The following ZNF503 variants were observed in gnomAD, a reference collection of about 807,000 sequenced individuals.
The protein encoded by ZNF503 is zinc finger protein 503, also known as NocA-like zinc finger 2.
A neutral mutation model predicts 34.4 loss-of-function variants in ZNF503; 15 were observed. The observed-to-expected ratio is 0.44, with a 90% CI of 0.29 to 0.67. ZNF503 has a LOEUF of 0.67. Among genes scored for constraint, ZNF503 ranks in the 30% least tolerant of loss-of-function variants. The probability of loss-of-function intolerance (pLI) is 0.13; values close to 1 mark genes in which losing one functional copy is unlikely to be tolerated. For missense variants in ZNF503, 1,007 were observed against 926.8 expected (o/e 1.09, Z -1.12); for synonymous variants, 580 against 456.8 (o/e 1.27, Z -3.44).
the ZNF503 span, chr10:75,288,201 G>A: frequency 6.6e-6 from 1 of 152,236 alleles, no homozygotes; most frequent in Non-Finnish European, 1.5e-5. Context: ...TAATGAACCG[G>A]AAGTGTTAAT....
chr10:75,310,727 C>T, the ZNF503 span, among the ~76,000 whole-genome samples: 1 of 152,146 alleles, frequency 6.6e-6, no homozygotes, highest in Non-Finnish European at 1.5e-5. Context: ...CCACCCCTGC[C>T]TGTAAATAAT....
intron 1 of ZNF503, chr10:75,400,865 G>A (rs1430818354): frequency 4.6e-6 from 3 of 645,840 alleles, no homozygotes; most frequent in Non-Finnish European, 7.9e-6. Context: ...CGGGGTAGGG[G>A]CTTTCATATC....
chr10:75,307,797 G>T, the ZNF503 span, among the ~76,000 whole-genome samples: 1 of 152,174 alleles, frequency 6.6e-6, no homozygotes, highest in African/African-American at 2.4e-5. Flanking sequence ...ATTATGGTAG[G>T]CCAGGCATGG....
rs1843750891 is a variant in ZNF503 at position 75,399,463 on chromosome 10, G to C, written c.1227C>G (p.Gly409=). The change falls in exon 2 of 2, where the codon GGC becomes GGG. Residue 409 remains glycine, a synonymous_variant. Coordinates refer to ENST00000372524, the MANE Select transcript of ZNF503 (RefSeq NM_032772.6). ...AGSLGCSKPA[G]SSPLAGASPP... is the part of the protein sequence containing the mutation. ...GAGACGCTCCGGCCAAAGGGCTGGA[G>C]CCGGCCGGCTTACTGCAGCCCAGAG... The C allele has an allele frequency of 3.2e-6, 5 of 1,584,024 alleles. No individual in the cohort carries two copies. The East Asian group carries it at 1.1e-4, about 36-fold the overall frequency.
At chr10:75,286,602 G>T in the ZNF503 span, among the ~76,000 whole-genome samples, 3 of 152,218 alleles carry the variant, frequency 2.0e-5, no homozygotes, top group Non-Finnish European at 4.4e-5. Flanking sequence ...GAGGATAATG[G>T]ATTGTACCTG....
the ZNF503 span, among the ~76,000 whole-genome samples, chr10:75,295,905 A>T: frequency 2.6e-5 from 4 of 152,114 alleles, no homozygotes; most frequent in African/African-American, 7.2e-5. This position sits in a 1 kb window ranked among gnomAD's most constrained non-coding sequence, Gnocchi z 4.0. Context: ...CAAAGTCAGG[A>T]GGAAAAAGAA....
the ZNF503 span, among the ~76,000 whole-genome samples, chr10:75,299,230 C>T: frequency 6.6e-6 from 1 of 152,166 alleles, no homozygotes; most frequent in African/African-American, 2.4e-5. Flanking sequence ...CATGCTCAGC[C>T]TTGTTTAACT....
the ZNF503 span, among the ~76,000 whole-genome samples, chr10:75,311,406 T>A: frequency 6.6e-6 from 1 of 152,066 alleles, no homozygotes; most frequent in Non-Finnish European, 1.5e-5. Context: ...CATCCTTCAA[T>A]CCAATCAAAT....
At chr10:75,328,664 A>T in the ZNF503 span, among the ~76,000 whole-genome samples, 1 of 151,474 alleles carries the variant, frequency 6.6e-6, no homozygotes, top group Non-Finnish European at 1.5e-5. Flanking sequence ...GAGGGATTGC[A>T]TTAAATCTGT....
the ZNF503 span, among the ~76,000 whole-genome samples, chr10:75,305,908 A>T: frequency 6.6e-6 from 1 of 152,148 alleles, no homozygotes; most frequent in Non-Finnish European, 1.5e-5. Context: ...GGTATACCAC[A>T]TGTTGTTTGT....
rs1213349920 is a variant in ZNF503, at chr10:75,398,711, CT to C, written c.*37del. The C allele has an allele frequency of 3.7e-6, 5 of 1,352,100 alleles. No individual in the cohort carries two copies. The South Asian group carries it at 8.3e-5, about 23-fold the overall frequency. 83.8% of individuals were successfully genotyped at this position (1,352,100 alleles called of 1,614,324 possible). On this transcript the variant is annotated 3_prime_UTR_variant, in exon 2 of 2. Transcript: ENST00000372524. ...CTCTCCCTGGACTCCTCCCCTCCCC[CT>C]CTCCCTCCTCTCCCTCGCTCGCCCT...
At chr10:75,350,089 C>G in the ZNF503 span, among the ~76,000 whole-genome samples, 2 of 152,144 alleles carry the variant, frequency 1.3e-5, no homozygotes, top group South Asian at 2.1e-4. Flanking sequence ...CCTTTTGAAG[C>G]TTATGTGGTT....
chr10:75,370,399 C>T, the ZNF503 span, among the ~76,000 whole-genome samples: 4 of 152,138 alleles, frequency 2.6e-5, no homozygotes, highest in Non-Finnish European at 5.9e-5. Flanking sequence ...AATGAGTGAT[C>T]TTCACATTAA....
the ZNF503 span, among the ~76,000 whole-genome samples, chr10:75,353,929 C>T: frequency 6.6e-6 from 1 of 152,206 alleles, no homozygotes; most frequent in South Asian, 2.1e-4. Context: ...TCAGCGTTGG[C>T]TCAGCTTGGG....
At chr10:75,319,653 A>G in the ZNF503 span, among the ~76,000 whole-genome samples, 6 of 152,246 alleles carry the variant, frequency 3.9e-5, no homozygotes, top group African/African-American at 1.4e-4. Context: ...CAATAATTAC[A>G]TTATATATAA....
At chr10:75,388,868 T>C in the ZNF503 span, among the ~76,000 whole-genome samples, 45 of 152,358 alleles carry the variant, frequency 3.0e-4, no homozygotes, top group African/African-American at 1.1e-3. Context: ...CTTTAAAATC[T>C]TGGATTTCCT....
At chr10:75,285,048 G>GT in the ZNF503 span, among the ~76,000 whole-genome samples, 181 of 152,264 alleles carry the variant, frequency 1.2e-3, 1 homozygote, top group African/African-American at 4.2e-3. Context: ...ATCATGGTTT[G>GT]TTTTCCATCT....
chr10:75,310,282 TG>T, the ZNF503 span, among the ~76,000 whole-genome samples: 2 of 152,220 alleles, frequency 1.3e-5, no homozygotes, highest in Non-Finnish European at 2.9e-5. Context: ...AAGGGACGTT[TG>T]GGACCTGAGA....
At chr10:75,304,479 A>G in the ZNF503 span, among the ~76,000 whole-genome samples, 1 of 152,178 alleles carries the variant, frequency 6.6e-6, no homozygotes, top group Non-Finnish European at 1.5e-5. Flanking sequence ...TGTAAAACAT[A>G]TGGAGTCATG....
Sources: gnomAD v4.1 joint callset for allele counts (sites outside exome capture counted in the v4.1 genomes callset) on GRCh38, gnomAD v4.1.1 for gene constraint, Gnocchi (gnomAD v3.1) non-coding constraint, MANE v1.5 for transcripts, NCBI Gene and HGNC (gene_info 2026-07-23, HGNC 2026-07-21) for gene names.